The following DIP2C variants were observed in gnomAD, a reference collection of about 807,000 sequenced individuals.
The protein encoded by DIP2C is disco-interacting protein 2 homolog C.
Under a neutral mutation model 192.4 loss-of-function variants are expected in DIP2C, and 33 were observed. That is an observed-to-expected ratio of 0.17 (90% CI 0.13 to 0.23). DIP2C has a LOEUF of 0.23. DIP2C is among the 10% of genes least tolerant of loss of function. DIP2C has a pLI of 1.00. For missense variants in DIP2C, 1,537 were observed against 2,110.1 expected (o/e 0.73, Z 5.32); for synonymous variants, 979 against 864.1 (o/e 1.13, Z -2.33).
chr10:616,817 T>C (rs1168586958), intron 1 of DIP2C, among the ~76,000 whole-genome samples: 1 of 152,092 alleles, frequency 6.6e-6, no homozygotes, highest in Non-Finnish European at 1.5e-5. Context: ...GATGAAAATA[T>C]TTGAGAGCCA....
intron 26 of DIP2C, among the ~76,000 whole-genome samples, chr10:347,569 C>G (rs1175090171): frequency 3.1e-5 from 4 of 127,564 alleles, no homozygotes. Flanking sequence ...CCCGGAAACC[C>G]CACACGCACC....
chr10:327,272 A>T (rs1336820725), intron 30 of DIP2C, 96 bp from the exon 31 acceptor site: 9 of 1,405,052 alleles, frequency 6.4e-6, no homozygotes, highest in Non-Finnish European at 8.5e-6. Flanking sequence ...TAAACATTGG[A>T]AAACTCAACA....
chr10:441,019 A>G, intron 3 of DIP2C, 23 bp from the exon 4 acceptor site: 1 of 1,605,846 alleles, frequency 6.2e-7, no homozygotes, highest in Non-Finnish European at 8.5e-7. Flanking sequence ...GAGCTCAGTC[A>G]CTCAGTGCTC....
rs1410652095 is a variant in DIP2C at position 283,325 on chromosome 10, C to T, written c.4241G>A (p.Arg1414His). Reference sequence around the variant, plus strand: ...CCGCAGGAACCCCAAGTAGCCTGTGCGTGCCCAGATGGTCTGGGTGTCTCC... The same window carrying T: ...CCGCAGGAACCCCAAGTAGCCTGTGTGTGCCCAGATGGTCTGGGTGTCTCC... The part of the protein sequence containing the change: ...SFGDTQTIWA[R>H]TGYLGFLRRT... Residue 1414 changes from arginine (R) to histidine (H), a missense_variant, in exon 35 of 37, where the codon CGC (arginine) becomes CAC (histidine). Around this residue, in one of 4 missense-constraint regions of DIP2C, gnomAD observed 341 missense variants for 551.7 expected, o/e 0.62. Transcript: ENST00000280886. The T allele has an allele frequency of 1.4e-5, 22 of 1,613,936 alleles. No individual in the cohort carries two copies. Among genetic ancestry groups the T allele is most frequent in the South Asian group, 2.2e-5 (2 of 91,072 alleles).
At chr10:470,781 C>T (rs1489144944) in intron 3 of DIP2C, among the ~76,000 whole-genome samples, 1 of 152,194 alleles carries the variant, frequency 6.6e-6, no homozygotes, top group African/African-American at 2.4e-5. Flanking sequence ...CGAGGAGCGA[C>T]CCCGTGTGAT....
At chr10:502,671 C>G (rs1195968167) in intron 1 of DIP2C, among the ~76,000 whole-genome samples, 1 of 152,152 alleles carries the variant, frequency 6.6e-6, no homozygotes, top group Non-Finnish European at 1.5e-5. Context: ...TCAAAGTGTA[C>G]TCTACGTATT....
intron 1 of DIP2C, among the ~76,000 whole-genome samples, chr10:538,061 A>C (rs1847788800): frequency 1.3e-5 from 2 of 152,114 alleles, no homozygotes; most frequent in African/African-American, 4.8e-5. Flanking sequence ...AAGTGCTGGG[A>C]TAACAGCCAC....
At chr10:388,499 AG>A (rs1462700061) in intron 13 of DIP2C, among the ~76,000 whole-genome samples, 2 of 152,352 alleles carry the variant, frequency 1.3e-5, no homozygotes, top group Admixed American at 1.3e-4. Context: ...GATAATAGAC[AG>A]GAGGCTTTCA....
chr10:452,579 C>CG (rs979192122), intron 3 of DIP2C, among the ~76,000 whole-genome samples: 1 of 152,164 alleles, frequency 6.6e-6, no homozygotes, highest in Admixed American at 6.5e-5. Context: ...TCTACAATAG[C>CG]GATTAAATGG....
chr10:573,922 A>T (rs1040918026), intron 1 of DIP2C, among the ~76,000 whole-genome samples: 1 of 152,226 alleles, frequency 6.6e-6, no homozygotes, highest in Non-Finnish European at 1.5e-5. Flanking sequence ...ACACACCACC[A>T]CATCACAGAC....
chr10:427,995 A>G (rs1966704248), intron 4 of DIP2C, among the ~76,000 whole-genome samples: 1 of 152,228 alleles, frequency 6.6e-6, no homozygotes, highest in Non-Finnish European at 1.5e-5. Context: ...TGCCGAATAG[A>G]GGAAAGAATG....
chr10:640,627 G>A (rs1290422424), intron 1 of DIP2C, among the ~76,000 whole-genome samples: 1 of 151,592 alleles, frequency 6.6e-6, no homozygotes, highest in African/African-American at 2.4e-5. Context: ...GGAAGAAGCT[G>A]CGCGCGGGGA....
intron 1 of DIP2C, among the ~76,000 whole-genome samples, chr10:550,629 G>A (rs559331745): frequency 2.3e-4 from 35 of 152,152 alleles, no homozygotes; most frequent in Non-Finnish European, 4.6e-4. Flanking sequence ...AATAACCGCA[G>A]AGCGTCTGCA....
In DIP2C at chr10:476,811, A is replaced by G. The variant is rs557387092; in HGVS notation, c.158-4262T>C. On this transcript the variant is annotated intron_variant, in intron 2 of 36. Coordinates refer to ENST00000280886, the MANE Select transcript of DIP2C (RefSeq NM_014974.3). ...GGAATCCCATTATGAAAATTAAGAA[A>G]ACACGGAAACTGCTAAAATTTCAGA... Among the ~76,000 whole-genome samples the G allele has an allele frequency of 6.6e-5, 10 of 152,260 alleles. No homozygotes were observed. The South Asian group carries it at 2.1e-3, about 32-fold the overall frequency.
At chr10:498,503 T>C (rs575085693) in intron 1 of DIP2C, among the ~76,000 whole-genome samples, 1 of 152,364 alleles carries the variant, frequency 6.6e-6, no homozygotes, top group South Asian at 2.1e-4. Context: ...CCAGGACGTG[T>C]AGAACACAGC....
rs551664118 is a variant in DIP2C at position 293,326 on chromosome 10, G to A, written c.3987-4905C>T. Among the ~76,000 whole-genome samples, 45 of 152,352 alleles carry A rather than the reference G, an allele frequency of 3.0e-4. 1 individual carries two copies. In the South Asian group the frequency reaches 8.3e-3, roughly 28 times the overall value. ...GCATTTCAAGGGGAGCAAACAGGACGCAGGGAAACCCGGTCATGGAAAGCT... is the reference window on the plus strand; with the variant it reads ...GCATTTCAAGGGGAGCAAACAGGACACAGGGAAACCCGGTCATGGAAAGCT... On this transcript the variant is annotated intron_variant, in intron 32 of 36. Transcript: ENST00000280886.
At chr10:400,715 T>C (rs1318051209) in intron 9 of DIP2C, among the ~76,000 whole-genome samples, 2 of 151,734 alleles carry the variant, frequency 1.3e-5, no homozygotes, top group Non-Finnish European at 2.9e-5. Flanking sequence ...CCTGTGATTT[T>C]ACACGTGTGG....
At chr10:687,427 G>C (rs910078585) in intron 1 of DIP2C, among the ~76,000 whole-genome samples, 1 of 152,186 alleles carries the variant, frequency 6.6e-6, no homozygotes, top group East Asian at 1.9e-4. Context: ...AGGCCGGAGG[G>C]TGCAGAGAGG....
chr10:422,197 C>G (rs1440209099), intron 5 of DIP2C, among the ~76,000 whole-genome samples: 4 of 152,216 alleles, frequency 2.6e-5, no homozygotes, highest in Non-Finnish European at 4.4e-5. Context: ...AAGTCCCGTA[C>G]TTGATGAAAA....
Sources: gnomAD v4.1 joint callset for allele counts (sites outside exome capture counted in the v4.1 genomes callset) on GRCh38, gnomAD v4.1.1 for gene constraint, gnomAD v4.1.1 regional missense constraint, MANE v1.5 for transcripts, NCBI Gene and HGNC (gene_info 2026-07-23, HGNC 2026-07-21) for gene names.